Variants in KLHL18 observed in about 807,000 individuals in gnomAD.
The protein encoded by KLHL18 is kelch like family member 18, also known as kelch-like protein 18.
In KLHL18, 38 loss-of-function variants were observed where a neutral mutation model predicts 58.5. That is an observed-to-expected ratio of 0.65 (90% CI 0.50 to 0.85). The LOEUF (loss-of-function observed/expected upper bound fraction) is 0.85, where lower values mean the gene tolerates loss of function less well. Among genes scored for constraint, KLHL18 ranks in the 40% least tolerant of loss-of-function variants. The pLI is 0.00. For missense variants in KLHL18, 624 were observed against 778.4 expected (o/e 0.80, Z 2.36); for synonymous variants, 303 against 301.9 (o/e 1.00, Z -0.04).
intron 2 of KLHL18, 40 bp downstream of exon 2, chr3:47,319,823 A>T: frequency 6.2e-7 from 1 of 1,607,510 alleles, no homozygotes; most frequent in Non-Finnish European, 8.5e-7. Flanking sequence ...GCTGCTTTCC[A>T]AGTGCAGTTT....
At chr3:47,294,680 G>A (rs1702858975) in intron 1 of KLHL18, among the ~76,000 whole-genome samples, 1 of 152,134 alleles carries the variant, frequency 6.6e-6, no homozygotes, top group Non-Finnish European at 1.5e-5. Context: ...CATGTGTATG[G>A]TATGGCTCAG....
In KLHL18 at chr3:47,288,722, G is replaced by T. The variant is rs569137420; in HGVS notation, c.129+5628G>T. On this transcript the variant is annotated intron_variant, in intron 1 of 9. Transcript: ENST00000232766. ...ATTCATTTAAAAAAAATCACATTCTGTATCTCCCATGGCTTGAACCTGTTA... is the reference window on the plus strand; with the variant it reads ...ATTCATTTAAAAAAAATCACATTCTTTATCTCCCATGGCTTGAACCTGTTA... 7.9e-5 allele frequency among the ~76,000 whole-genome samples: 12 copies of T among 152,312 alleles called. 1 individual carries two copies. The highest frequency in any genetic ancestry group is 2.9e-4 in the African/African-American group (12 of 41,566).
chr3:47,307,175 G>A (rs1444561274), intron 1 of KLHL18, among the ~76,000 whole-genome samples: 2 of 152,114 alleles, frequency 1.3e-5, no homozygotes, highest in South Asian at 2.1e-4. Flanking sequence ...GGGTTCAAGC[G>A]ATTCTCCTGC....
intron 3 of KLHL18, among the ~76,000 whole-genome samples, chr3:47,323,583 A>G (rs1463572145): frequency 6.6e-6 from 1 of 152,184 alleles, no homozygotes; most frequent in African/African-American, 2.4e-5. Flanking sequence ...CTGCCTGAGC[A>G]GTTAAGAAGG....
intron 8 of KLHL18, among the ~76,000 whole-genome samples, chr3:47,341,927 GA>G (rs1243865684): frequency 2.8e-5 from 4 of 144,596 alleles, no homozygotes; most frequent in African/African-American, 1.0e-4. Flanking sequence ...AGGAGAGAGA[GA>G]AAAAAACATT....
rs1402274833 is a variant in KLHL18 at position 47,340,557 on chromosome 3, C to T, written c.1122-15C>T. ...GGCTGCGGCTCATCTGGGATGACAGCTCTGTCTGTTTCAGTGCCATGGGGA... is the reference window on the plus strand; with the variant it reads ...GGCTGCGGCTCATCTGGGATGACAGTTCTGTCTGTTTCAGTGCCATGGGGA... On this transcript the variant is annotated splice_polypyrimidine_tract_variant and intron_variant, in intron 7 of 9. Coordinates refer to ENST00000232766, the MANE Select transcript of KLHL18 (RefSeq NM_025010.5). 3.1e-6 allele frequency: 5 copies of T among 1,613,916 alleles called. No homozygotes were observed. The highest frequency in any genetic ancestry group is 4.2e-6 in the Non-Finnish European group (5 of 1,179,902).
chr3:47,283,099 C>T lies in KLHL18; in HGVS notation c.129+5C>T, dbSNP rs202228687. ...CTGTGCGACGTGACCCTCAAGGTAC[C>T]GCGGACTGGGCGGCAGCGGGCTGAG... On this transcript the variant is annotated splice_donor_5th_base_variant and intron_variant, in intron 1 of 9. Coordinates refer to ENST00000232766, the MANE Select transcript of KLHL18 (RefSeq NM_025010.5). 4 of 1,570,152 alleles carry T rather than the reference C, an allele frequency of 2.5e-6. No homozygotes were observed. The highest frequency in any genetic ancestry group is 2.7e-5 in the African/African-American group (2 of 73,768).
chr3:47,302,723 TTCTA>T (rs1244205907), intron 1 of KLHL18, among the ~76,000 whole-genome samples: 1 of 152,212 alleles, frequency 6.6e-6, no homozygotes, highest in Non-Finnish European at 1.5e-5. Context: ...ACATTGTCAT[TTCTA>T]TCTGACTTTT....
chr3:47,340,756 T>A, intron 8 of KLHL18, 80 bp downstream of exon 8: 1 of 1,525,086 alleles, frequency 6.6e-7, no homozygotes, highest in Non-Finnish European at 9.0e-7. Context: ...TTTTTTAATT[T>A]AAGCTTCTCA....
intron 3 of KLHL18, among the ~76,000 whole-genome samples, chr3:47,325,399 A>G (rs989094037): frequency 2.0e-5 from 3 of 151,882 alleles, no homozygotes; most frequent in African/African-American, 4.8e-5. Context: ...GGGTTTCACC[A>G]TGTTAGCCAG....
Position 47,334,571 on chromosome 3 carries a change from T to C in KLHL18, c.762-112T>C. ...TTGAGACCAGACCTTCCAGAAGGCT[T>C]CTCCTCCCAGGTTTCCCCTGCAGTT... On this transcript the variant is annotated intron_variant, in intron 5 of 9. Transcript: ENST00000232766. This position sits in a 1 kb window ranked among gnomAD's most constrained non-coding sequence, Gnocchi z 4.7. 7.9e-7 allele frequency: 1 copy of C among 1,271,384 alleles called. No individual in the cohort carries two copies. 78.8% of individuals were successfully genotyped at this position (1,271,384 alleles called of 1,614,324 possible).
At chr3:47,341,897 A>G (rs1273931745) in intron 8 of KLHL18, among the ~76,000 whole-genome samples, 1 of 22,934 alleles carries the variant, frequency 4.4e-5, no homozygotes, top group Admixed American at 3.6e-4. Flanking sequence ...TGTCTCTTTT[A>G]AAAAAAAAAA....
intron 3 of KLHL18, among the ~76,000 whole-genome samples, chr3:47,327,443 C>T (rs1237341622): frequency 6.6e-6 from 1 of 152,226 alleles, no homozygotes; most frequent in East Asian, 1.9e-4. Context: ...ATCCTCCTCT[C>T]AGGTTGATGT....
chr3:47,336,797 A>C (rs772385536), intron 7 of KLHL18, 40 bp downstream of exon 7: 1 of 1,506,604 alleles, frequency 6.6e-7, no homozygotes, highest in Non-Finnish European at 9.2e-7. Flanking sequence ...ATACACACTG[A>C]GCACCTGGGG....
Position 47,322,666 on chromosome 3 carries a change from T to G in KLHL18, c.359T>G (p.Leu120Arg). The G allele has an allele frequency of 6.2e-7, 1 of 1,604,676 alleles. No individual in the cohort carries two copies. The highest frequency in any genetic ancestry group is 1.3e-5 in the African/African-American group (1 of 74,724). ...CTGATGGGGGCGAGCTTCCTGCAGC[T>G]GCAGAGCATCAAAGACGCCTGCTGC... ...SLLMGASFLQ[L>R]QSIKDACCTF... The change falls in exon 3 of 10, where the codon CTG (leucine) becomes CGG (arginine). Residue 120 changes from leucine (L) to arginine (R), a missense_variant. Leu to Arg is a moderately radical substitution (Grantham distance 102). Coordinates refer to ENST00000232766, the MANE Select transcript of KLHL18 (RefSeq NM_025010.5).
At chr3:47,333,067 G>A in intron 4 of KLHL18, 90 bp from the exon 5 acceptor site, 1 of 1,363,950 alleles carries the variant, frequency 7.3e-7, no homozygotes, top group South Asian at 1.3e-5. Flanking sequence ...GACTGCTTCA[G>A]TATAGGAAGT....
chr3:47,316,493 A>G (rs62248939), intron 1 of KLHL18, among the ~76,000 whole-genome samples: 3,577 of 8,818 alleles, frequency 0.41, 709 homozygotes, highest in Middle Eastern at 1. Context: ...ACATATATAC[A>G]TATATATGTA....
intron 3 of KLHL18, among the ~76,000 whole-genome samples, chr3:47,326,755 C>T (rs1703731721): frequency 6.6e-6 from 1 of 151,752 alleles, no homozygotes; most frequent in South Asian, 2.1e-4. Context: ...CCCATCTCTA[C>T]TAAAAATACA....
chr3:47,315,557 C>G (rs114839966), intron 1 of KLHL18, among the ~76,000 whole-genome samples: 1 of 152,174 alleles, frequency 6.6e-6, no homozygotes, highest in Admixed American at 6.5e-5. Flanking sequence ...ACTGGAAGAT[C>G]GTGCTCTGAT....
Sources: allele counts gnomAD v4.1 joint callset (sites outside exome capture counted in the v4.1 genomes callset), GRCh38; gene constraint gnomAD v4.1.1; non-coding constraint Gnocchi (gnomAD v3.1); transcripts MANE v1.5; gene names NCBI Gene and HGNC (gene_info 2026-07-23, HGNC 2026-07-21).